Variants in PALS2 observed in about 807,000 individuals in gnomAD.
PALS2 encodes the protein protein associated with LIN7 2, MAGUK p55 family member, also known as protein PALS2.
A neutral mutation model predicts 61.6 loss-of-function variants in PALS2; 27 were observed. The observed-to-expected ratio is 0.44, with a 90% CI of 0.32 to 0.60. The LOEUF (loss-of-function observed/expected upper bound fraction) is 0.60. Ranked by LOEUF, PALS2 falls within the 20% of genes least tolerant of loss-of-function variation. The pLI, the probability that PALS2 is intolerant of heterozygous loss-of-function variation, is 0.05. For missense variants in PALS2, 554 were observed against 639.4 expected (o/e 0.87, Z 1.44); for synonymous variants, 236 against 218.6 (o/e 1.08, Z -0.70).
At chr7:24,603,387 A>G (rs1034444542) in intron 1 of PALS2, among the ~76,000 whole-genome samples, 3 of 152,190 alleles carry the variant, frequency 2.0e-5, no homozygotes, top group Non-Finnish European at 2.9e-5. Flanking sequence ...ACAAATAGAG[A>G]AAACCTGCTG....
intron 3 of PALS2, among the ~76,000 whole-genome samples, chr7:24,643,773 T>G (rs1184732804): frequency 6.6e-6 from 1 of 152,204 alleles, no homozygotes; most frequent in African/African-American, 2.4e-5. Flanking sequence ...TGATGTTATT[T>G]CTTCTATTTC....
In PALS2 at chr7:24,573,927, C is replaced by T. The variant is rs1782549892; in HGVS notation, c.-3+334C>T. 6.6e-6 allele frequency: 1 copy of T among 152,608 alleles called. No homozygotes were observed. Among genetic ancestry groups the T allele is most frequent in the Admixed American group, 6.5e-5 (1 of 15,296 alleles). The allele number at this position is 152,608 out of a possible 1,614,324, so 9.5% of individuals were successfully genotyped here. The stretch of plus-strand genomic sequence containing the variant: ...TGCTTGCCGCCGCTCCCCACGCGCT[C>T]CCCGGCGCGGCCCCGACTGGGGCTA... On this transcript the variant is annotated intron_variant, in intron 1 of 11. Transcript: ENST00000222644. The surrounding 1 kb of genome is among the most constrained non-coding windows in gnomAD (Gnocchi z 5.3).
intron 1 of PALS2, among the ~76,000 whole-genome samples, chr7:24,584,715 T>C (rs978527179): frequency 6.6e-6 from 1 of 152,062 alleles, no homozygotes; most frequent in Non-Finnish European, 1.5e-5. Context: ...GCTTTTGGTG[T>C]TTTAGACATG....
At chr7:24,612,730 A>G (rs1310641483) in intron 1 of PALS2, among the ~76,000 whole-genome samples, 4 of 151,798 alleles carry the variant, frequency 2.6e-5, no homozygotes, top group Admixed American at 6.6e-5. Flanking sequence ...TAACTTTACT[A>G]ATTTTTTCAC....
intron 5 of PALS2, among the ~76,000 whole-genome samples, chr7:24,654,590 A>T (rs1044746699): frequency 3.3e-5 from 5 of 152,164 alleles, no homozygotes; most frequent in African/African-American, 1.2e-4. Context: ...TACACAAAGG[A>T]ATTATGAAGA....
intron 3 of PALS2, among the ~76,000 whole-genome samples, chr7:24,648,091 T>C (rs770148524): frequency 6.6e-6 from 1 of 152,158 alleles, no homozygotes; most frequent in Non-Finnish European, 1.5e-5. Context: ...TTATTGAATT[T>C]TTTTCTCCAG....
rs547988737 is a variant in PALS2 at position 24,648,248 on chromosome 7, T to G, written c.271-1364T>G. Among the ~76,000 whole-genome samples the G allele has an allele frequency of 5.9e-5, 9 of 152,218 alleles. No individual in the cohort carries two copies. The South Asian group carries it at 1.9e-3, about 32-fold the overall frequency. On this transcript the variant is annotated intron_variant, in intron 3 of 11. Coordinates refer to ENST00000222644, the MANE Select transcript of PALS2 (RefSeq NM_001303037.2). Reference sequence around the variant, plus strand: ...ATCCAGCCCCTCAAGAATGTTAACTTATCTTTATGTTGAATATGCACAGTT... The same window carrying G: ...ATCCAGCCCCTCAAGAATGTTAACTGATCTTTATGTTGAATATGCACAGTT...
intron 1 of PALS2, among the ~76,000 whole-genome samples, chr7:24,610,931 C>G (rs901730712): frequency 6.6e-6 from 1 of 152,000 alleles, no homozygotes; most frequent in Non-Finnish European, 1.5e-5. Flanking sequence ...AATATAAGAG[C>G]AGAAGTAATT....
intron 8 of PALS2, 106 bp downstream of exon 8, chr7:24,666,195 G>T (rs1292969571): frequency 3.1e-6 from 3 of 966,728 alleles, no homozygotes; most frequent in East Asian, 4.9e-5. Flanking sequence ...ATTCAGATTA[G>T]TACCTAGTTG....
chr7:24,646,006 G>A lies in PALS2; in HGVS notation c.271-3606G>A, dbSNP rs556034909. 2.6e-5 allele frequency among the ~76,000 whole-genome samples: 4 copies of A among 152,136 alleles called. No individual in the cohort carries two copies. In the South Asian group the frequency reaches 8.3e-4, roughly 32 times the overall value. ...TTTGTATCATTCGGAAGGATACAAA[G>A]GACTTTGTATCCTTGGCTGAAGTTA... On this transcript the variant is annotated intron_variant, in intron 3 of 11. Transcript: ENST00000222644.
chr7:24,665,965 A>G, intron 7 of PALS2, 56 bp from the exon 8 acceptor site: 1 of 1,507,334 alleles, frequency 6.6e-7, no homozygotes, highest in Non-Finnish European at 9.1e-7. Context: ...ACTATAGGGC[A>G]ATTTTTTCAT....
chr7:24,618,850 TC>T lies in PALS2; in HGVS notation c.-2-4814del, dbSNP rs762601811. On this transcript the variant is annotated intron_variant, in intron 1 of 11. Coordinates refer to ENST00000222644, the MANE Select transcript of PALS2 (RefSeq NM_001303037.2). The surrounding 1 kb of genome is among the most constrained non-coding windows in gnomAD (Gnocchi z 5.1). Reference sequence around the variant, plus strand: ...TACTTCGGCACTCTCCCTTCAACACTCCAGTCAAATCTTAGCTGTTTATTTA... The same window carrying T: ...TACTTCGGCACTCTCCCTTCAACACTCAGTCAAATCTTAGCTGTTTATTTA... Among the ~76,000 whole-genome samples, 1 of 152,168 alleles carries T rather than the reference TC, an allele frequency of 6.6e-6. No homozygotes were observed. Among genetic ancestry groups the T allele is most frequent in the Non-Finnish European group, 1.5e-5 (1 of 68,022 alleles).
At chr7:24,665,910 C>A (rs1282084803) in intron 7 of PALS2, 111 bp from the exon 8 acceptor site, 1 of 1,132,962 alleles carries the variant, frequency 8.8e-7, no homozygotes, top group East Asian at 2.4e-5. Flanking sequence ...CTTTTGCTTC[C>A]TAGGATGCCA....
intron 9 of PALS2, among the ~76,000 whole-genome samples, chr7:24,671,645 T>G (rs1787301498): frequency 6.6e-6 from 1 of 152,176 alleles, no homozygotes; most frequent in African/African-American, 2.4e-5. Flanking sequence ...CTCCTGTATT[T>G]TATTTTAAGA....
At chr7:24,673,500 A>T (rs1199627379) in intron 9 of PALS2, among the ~76,000 whole-genome samples, 2 of 152,140 alleles carry the variant, frequency 1.3e-5, no homozygotes, top group Non-Finnish European at 2.9e-5. Context: ...GTTTGATGAA[A>T]TTCACCCATG....
At position 24,683,270 on chromosome 7, in the gene PALS2, A is replaced by G. The variant is rs559845399; in HGVS notation, c.1446+2750A>G. Among the ~76,000 whole-genome samples the G allele has an allele frequency of 4.6e-5, 7 of 152,342 alleles. No homozygotes were observed. In the East Asian group the frequency reaches 1.3e-3, roughly 29 times the overall value. ...AGTTGATTATTCTGAGGTACGATTG[A>G]TACAGGAAAGGCAGGATACATCTTT... is the stretch of plus-strand genomic sequence containing the variant. On this transcript the variant is annotated intron_variant, in intron 11 of 11. Coordinates refer to ENST00000222644, the MANE Select transcript of PALS2 (RefSeq NM_001303037.2).
rs546371281 is a variant in PALS2 at position 24,606,569 on chromosome 7, T to A, written c.-2-17097T>A. On this transcript the variant is annotated intron_variant, in intron 1 of 11. Transcript: ENST00000222644. ...GAATATAGATAAAATAGAATAGCAT[T>A]TATGTTTTTAGTAAAGTAGGCATTT... 1.1e-4 allele frequency among the ~76,000 whole-genome samples: 16 copies of A among 152,252 alleles called. No individual in the cohort carries two copies. The South Asian group carries it at 1.5e-3, about 14-fold the overall frequency.
chr7:24,624,043 CA>C, intron 2 of PALS2: 1 of 1,304,180 alleles, frequency 7.7e-7, no homozygotes, highest in Non-Finnish European at 1.0e-6. Flanking sequence ...ATCATACCTG[CA>C]CAGTTGTGTT....
At chr7:24,653,330 T>G (rs1786254672) in intron 5 of PALS2, among the ~76,000 whole-genome samples, 1 of 152,002 alleles carries the variant, frequency 6.6e-6, no homozygotes, top group African/African-American at 2.4e-5. Context: ...TTGATAAAAT[T>G]CAATGATTTT....
Sources: gnomAD v4.1 joint callset for allele counts (sites outside exome capture counted in the v4.1 genomes callset) on GRCh38, gnomAD v4.1.1 for gene constraint, Gnocchi (gnomAD v3.1) non-coding constraint, MANE v1.5 for transcripts, NCBI Gene and HGNC (gene_info 2026-07-23, HGNC 2026-07-21) for gene names.